Variants in DRC11 observed in about 807,000 individuals in gnomAD.
DRC11 encodes the protein dynein regulatory complex subunit 11, also known as IQ and AAA domain-containing protein 1.
At chr2:236,440,542 T>C in the DRC11 span, among the ~76,000 whole-genome samples, 3 of 152,214 alleles carry the variant, frequency 2.0e-5, no homozygotes, top group Admixed American at 2.0e-4. Flanking sequence ...GAAGCATCTA[T>C]AGAGATGATC....
the DRC11 span, among the ~76,000 whole-genome samples, chr2:236,318,351 G>C: frequency 6.6e-6 from 1 of 152,224 alleles, no homozygotes; most frequent in Non-Finnish European, 1.5e-5. The surrounding 1 kb of genome is among the most constrained non-coding windows in gnomAD (Gnocchi z 7.0). Flanking sequence ...GGGGTGTGCA[G>C]GCCACCAGCA....
chr2:236,322,501 C>T, the DRC11 span, among the ~76,000 whole-genome samples: 1 of 152,098 alleles, frequency 6.6e-6, no homozygotes, highest in South Asian at 2.1e-4. Context: ...CCGCCTCGGC[C>T]TCCCAAAGTG....
At chr2:236,477,351 T>C in the DRC11 span, among the ~76,000 whole-genome samples, 2 of 152,206 alleles carry the variant, frequency 1.3e-5, no homozygotes, top group Non-Finnish European at 2.9e-5. Flanking sequence ...AAAATGTTAT[T>C]AAAATCATAA....
chr2:236,390,259 C>T, the DRC11 span, among the ~76,000 whole-genome samples: 8 of 152,118 alleles, frequency 5.3e-5, no homozygotes, highest in Admixed American at 1.3e-4. This position sits in a 1 kb window ranked among gnomAD's most constrained non-coding sequence, Gnocchi z 5.9. Flanking sequence ...TTTGATTTGA[C>T]GTCTATTTTG....
the DRC11 span, among the ~76,000 whole-genome samples, chr2:236,309,175 G>A: frequency 6.6e-6 from 1 of 152,114 alleles, no homozygotes. The surrounding 1 kb of genome is among the most constrained non-coding windows in gnomAD (Gnocchi z 5.7). Context: ...GAACTCCCTC[G>A]CGGCGGCTCC....
the DRC11 span, chr2:236,408,741 C>G: frequency 1.5e-6 from 1 of 689,626 alleles, no homozygotes; most frequent in Non-Finnish European, 2.7e-6. The surrounding 1 kb of genome is among the most constrained non-coding windows in gnomAD (Gnocchi z 5.5). Flanking sequence ...GCACTCATCG[C>G]TGATGTACTG....
the DRC11 span, among the ~76,000 whole-genome samples, chr2:236,433,341 G>T: frequency 6.6e-6 from 1 of 152,174 alleles, no homozygotes; most frequent in African/African-American, 2.4e-5. Flanking sequence ...GTCTATAGAT[G>T]ATGTTTAGGA....
the DRC11 span, chr2:236,391,302 G>A: frequency 1.7e-4 from 26 of 152,406 alleles, no homozygotes; most frequent in African/African-American, 5.5e-4. The surrounding 1 kb of genome is among the most constrained non-coding windows in gnomAD (Gnocchi z 4.5). Flanking sequence ...AAACCTCTAA[G>A]AGAAAATGTG....
the DRC11 span, among the ~76,000 whole-genome samples, chr2:236,381,331 G>A: frequency 2.6e-5 from 4 of 151,652 alleles, no homozygotes; most frequent in Non-Finnish European, 5.9e-5. The surrounding 1 kb of genome is among the most constrained non-coding windows in gnomAD (Gnocchi z 5.8). Flanking sequence ...CGTTGTTATA[G>A]CAGTCCAAAC....
At chr2:236,493,818 T>C in the DRC11 span, 1 of 1,608,490 alleles carries the variant, frequency 6.2e-7, no homozygotes, top group Non-Finnish European at 8.5e-7. Flanking sequence ...GCAAGAATTT[T>C]CTCTCTTCCT....
chr2:236,498,495 A>G, the DRC11 span, among the ~76,000 whole-genome samples: 2 of 149,808 alleles, frequency 1.3e-5, no homozygotes, highest in East Asian at 3.9e-4. Flanking sequence ...TGAGGTGCAG[A>G]CTGTGGCCTG....
At chr2:236,480,805 C>T in the DRC11 span, among the ~76,000 whole-genome samples, 1 of 152,190 alleles carries the variant, frequency 6.6e-6, no homozygotes, top group Non-Finnish European at 1.5e-5. Flanking sequence ...TATGTATTGT[C>T]ATTGAAGAAT....
At chr2:236,400,617 C>T in the DRC11 span, among the ~76,000 whole-genome samples, 1 of 152,206 alleles carries the variant, frequency 6.6e-6, no homozygotes, top group African/African-American at 2.4e-5. This position sits in a 1 kb window ranked among gnomAD's most constrained non-coding sequence, Gnocchi z 7.9. Context: ...TCCTCGGGTT[C>T]CCGAAGCAGG....
chr2:236,360,875 G>A, the DRC11 span, among the ~76,000 whole-genome samples: 2 of 152,162 alleles, frequency 1.3e-5, no homozygotes, highest in African/African-American at 2.4e-5. The surrounding 1 kb of genome is among the most constrained non-coding windows in gnomAD (Gnocchi z 5.8). Flanking sequence ...AATGGAAAAC[G>A]AAGTCTCTGC....
the DRC11 span, among the ~76,000 whole-genome samples, chr2:236,359,887 G>A: frequency 6.6e-6 from 1 of 152,186 alleles, no homozygotes; most frequent in African/African-American, 2.4e-5. This position sits in a 1 kb window ranked among gnomAD's most constrained non-coding sequence, Gnocchi z 4.3. Flanking sequence ...GTTTAATGAG[G>A]TGTGTGTCAG....
chr2:236,433,521 C>G, the DRC11 span, among the ~76,000 whole-genome samples: 1 of 152,166 alleles, frequency 6.6e-6, no homozygotes, highest in African/African-American at 2.4e-5. Flanking sequence ...TAAATGGTCT[C>G]TTACATTACA....
At chr2:236,477,838 T>C in the DRC11 span, among the ~76,000 whole-genome samples, 11 of 152,252 alleles carry the variant, frequency 7.2e-5, no homozygotes, top group South Asian at 2.1e-4. Context: ...TTTTTTGTCA[T>C]AGTTTCTAAC....
At chr2:236,376,412 C>G in the DRC11 span, among the ~76,000 whole-genome samples, 1 of 152,174 alleles carries the variant, frequency 6.6e-6, no homozygotes, top group Non-Finnish European at 1.5e-5. This position sits in a 1 kb window ranked among gnomAD's most constrained non-coding sequence, Gnocchi z 5.7. Flanking sequence ...ATTGGGAAAG[C>G]TGAAGGTTCA....
the DRC11 span, among the ~76,000 whole-genome samples, chr2:236,315,573 A>G: frequency 8.6e-4 from 131 of 152,326 alleles, 1 homozygote; most frequent in African/African-American, 2.7e-3. The surrounding 1 kb of genome is among the most constrained non-coding windows in gnomAD (Gnocchi z 5.1). Context: ...TTGCAGCACT[A>G]TTCACAATAG....
Sources: gnomAD v4.1 joint callset for allele counts (sites outside exome capture counted in the v4.1 genomes callset) on GRCh38, gnomAD v4.1.1 for gene constraint, Gnocchi (gnomAD v3.1) non-coding constraint, MANE v1.5 for transcripts, NCBI Gene and HGNC (gene_info 2026-07-23, HGNC 2026-07-21) for gene names.